Variants in DOCK8 observed in about 807,000 individuals in gnomAD.
The protein encoded by DOCK8 is dedicator of cytokinesis 8.
In DOCK8, 141 loss-of-function variants were observed where a neutral mutation model predicts 245.6. The ratio of observed to expected loss-of-function variants is 0.57; its 90% confidence interval spans 0.50 to 0.66. The LOEUF is 0.66. Among genes scored for constraint, DOCK8 ranks in the 30% least tolerant of loss-of-function variants. The probability of loss-of-function intolerance (pLI) is 0.00; values close to 1 mark genes in which losing one functional copy is unlikely to be tolerated. For synonymous variants in DOCK8, 1,168 were observed against 970.2 expected (o/e 1.20, Z -3.79); for missense variants, 2,965 against 2,603.4 (o/e 1.14, Z -3.02).
chr9:363,220 A>G (rs2052816070), intron 14 of DOCK8, among the ~76,000 whole-genome samples: 1 of 152,210 alleles, frequency 6.6e-6, no homozygotes, highest in South Asian at 2.1e-4. Flanking sequence ...TTGGGGAAAG[A>G]TAAGATTATA....
intron 18 of DOCK8, among the ~76,000 whole-genome samples, chr9:375,466 T>A (rs185294132): frequency 1.8e-3 from 279 of 152,324 alleles, no homozygotes; most frequent in African/African-American, 6.3e-3. Context: ...GAAAGTAATA[T>A]CGGGTACTCA....
chr9:268,159 G>A (rs1048599726), intron 1 of DOCK8: 1 of 152,176 alleles, frequency 6.6e-6, no homozygotes, highest in Non-Finnish European at 1.5e-5. Flanking sequence ...CAAATGATAT[G>A]AAGCAATTCT....
rs377526583 is a variant in DOCK8 at position 390,582 on chromosome 9, G to A, written c.2970+16G>A. 1.1e-4 allele frequency: 177 copies of A among 1,609,822 alleles called. No homozygotes were observed. The highest frequency in any genetic ancestry group is 1.6e-4 in the Middle Eastern group (1 of 6,076). On this transcript the variant is annotated intron_variant, in intron 24 of 47. Coordinates refer to ENST00000432829, the MANE Select transcript of DOCK8 (RefSeq NM_203447.4). The stretch of plus-strand genomic sequence containing the variant: ...TGAGCTTCTGGTGAGATTCTTGCGC[G>A]TTTGTATCTGTGCTCAATAGGCCAA...
intron 6 of DOCK8, among the ~76,000 whole-genome samples, chr9:316,572 T>A (rs1187936884): frequency 6.6e-6 from 1 of 152,192 alleles, no homozygotes; most frequent in African/African-American, 2.4e-5. Flanking sequence ...AAAGTGACTC[T>A]GTATTATAGG....
intron 10 of DOCK8, among the ~76,000 whole-genome samples, chr9:333,815 A>C (rs1366197764): frequency 1.3e-5 from 2 of 152,072 alleles, no homozygotes; most frequent in Admixed American, 6.6e-5. Context: ...GAGTTTTCCA[A>C]GGTGACTTTT....
intron 1 of DOCK8, among the ~76,000 whole-genome samples, chr9:235,528 A>G (rs991878383): frequency 6.6e-6 from 1 of 152,144 alleles, no homozygotes; most frequent in Non-Finnish European, 1.5e-5. Context: ...GGCCTCCTTG[A>G]GCTGTGGTGG....
At chr9:452,636 G>A (rs763572504) in intron 46 of DOCK8, 2 of 152,502 alleles carry the variant, frequency 1.3e-5, no homozygotes, top group Non-Finnish European at 2.9e-5. Flanking sequence ...GAGGTTCTTT[G>A]CATTGGCAGT....
rs2055023482 is a variant in DOCK8, at chr9:400,953, C to CCACCACCACCACCTCCTCCACCAT, written c.3234+1702_3234+1725dup. On this transcript the variant is annotated intron_variant, in intron 26 of 47. Transcript: ENST00000432829. ...ACAACATCCACCACCACCATCACCACCACCACCACCACCTCCTCCACCATC... is the reference window on the plus strand; with the variant it reads ...ACAACATCCACCACCACCATCACCACCACCACCACCACCTCCTCCACCATCACCACCACCACCTCCTCCACCATC... Among the ~76,000 whole-genome samples the CCACCACCACCACCTCCTCCACCAT allele has an allele frequency of 2.9e-5, 2 of 67,980 alleles. 1 individual carries two copies. The allele number at this position is 67,980 out of a possible 152,430, so 44.6% of individuals were successfully genotyped here.
intron 14 of DOCK8, chr9:340,587 C>G (rs1005633600): frequency 1.3e-5 from 5 of 379,694 alleles, no homozygotes. Context: ...CACTACTGCA[C>G]TCCAGCCTGG....
chr9:345,752 G>A (rs890884904), intron 14 of DOCK8, among the ~76,000 whole-genome samples: 1 of 152,074 alleles, frequency 6.6e-6, no homozygotes, highest in African/African-American at 2.4e-5. Flanking sequence ...GGCACCATTC[G>A]AGTTGCATTC....
At chr9:428,267 C>T in intron 34 of DOCK8, 95 bp from the exon 35 acceptor site, 1 of 1,594,348 alleles carries the variant, frequency 6.3e-7, no homozygotes, top group South Asian at 1.1e-5. Context: ...CACCACTGGA[C>T]ATGGAACATC....
chr9:464,027 G>T, intron 47 of DOCK8, 132 bp from the exon 48 acceptor site: 1 of 832,956 alleles, frequency 1.2e-6, no homozygotes, highest in Non-Finnish European at 2.1e-6. Context: ...CTTATTATTT[G>T]CTGAGTTGTC....
intron 27 of DOCK8, among the ~76,000 whole-genome samples, chr9:405,953 A>G (rs1292465158): frequency 6.6e-6 from 1 of 152,188 alleles, no homozygotes; most frequent in African/African-American, 2.4e-5. Context: ...AGCTTACCCT[A>G]GGTTCTTTCC....
At chr9:256,108 A>G (rs1009963635) in intron 1 of DOCK8, among the ~76,000 whole-genome samples, 2 of 152,212 alleles carry the variant, frequency 1.3e-5, no homozygotes, top group Non-Finnish European at 2.9e-5. Flanking sequence ...AACTTATTTT[A>G]TATCTAGATA....
chr9:455,314 C>T (rs1461432731), intron 46 of DOCK8, among the ~76,000 whole-genome samples: 1 of 150,950 alleles, frequency 6.6e-6, no homozygotes, highest in African/African-American at 2.4e-5. Flanking sequence ...GGCAACATGG[C>T]GAAACTCTGT....
At chr9:272,285 C>T (rs886521645) in intron 2 of DOCK8, among the ~76,000 whole-genome samples, 1 of 152,130 alleles carries the variant, frequency 6.6e-6, no homozygotes, top group Non-Finnish European at 1.5e-5. Flanking sequence ...TTACAATCTC[C>T]TCTCCCCAGG....
At chr9:441,177 C>T (rs2057082980) in intron 40 of DOCK8, 109 bp from the exon 41 acceptor site, 1 of 1,512,090 alleles carries the variant, frequency 6.6e-7, no homozygotes, top group Non-Finnish European at 9.1e-7. Flanking sequence ...TACTGTGATA[C>T]AACAATAAAT....
intron 2 of DOCK8, among the ~76,000 whole-genome samples, chr9:277,524 TTA>T: frequency 7.2e-6 from 1 of 138,690 alleles, no homozygotes; most frequent in African/African-American, 3.1e-5. Flanking sequence ...AAGAGAAGAG[TTA>T]GGAGACCCTG....
chr9:416,612 G>C (rs1481938631), intron 29 of DOCK8, among the ~76,000 whole-genome samples: 1 of 152,134 alleles, frequency 6.6e-6, no homozygotes, highest in Non-Finnish European at 1.5e-5. Context: ...GGAATCTTTA[G>C]GTTGATAAAC....
Sources: allele counts gnomAD v4.1 joint callset (sites outside exome capture counted in the v4.1 genomes callset), GRCh38; gene constraint gnomAD v4.1.1; transcripts MANE v1.5; gene names NCBI Gene and HGNC (gene_info 2026-07-23, HGNC 2026-07-21).